Variants in LDHD observed in about 807,000 individuals in gnomAD.
LDHD encodes the protein D-lactate dehydrogenase, mitochondrial.
In LDHD, 58 loss-of-function variants were observed where a neutral mutation model predicts 52.9. The observed-to-expected ratio is 1.10, with a 90% CI of 0.89 to 1.36. LDHD has a LOEUF of 1.36. LDHD is among the 40% of genes most tolerant of loss of function. The pLI is 0.00. For missense variants in LDHD, 747 were observed against 668.0 expected (o/e 1.12, Z -1.30); for synonymous variants, 350 against 288.6 (o/e 1.21, Z -2.16).
At position 75,113,596 on chromosome 16, in the gene LDHD, C is replaced by G. The variant is rs147858665; in HGVS notation, c.1025G>C (p.Arg342Pro). ...GGCATTGTGCCGTGCTGTCCAAAGC[C>G]GGCTGCGCTCCTCGGCCTCCTTGGC... ...SWAKEAEERS[R>P]LWTARHNAWY... Residue 342 changes from arginine to proline, a missense_variant, in exon 8 of 11, where the codon CGG becomes CCG. By Grantham distance (103) the Arg-to-Pro change is moderately radical. Coordinates refer to ENST00000450168, the MANE Select transcript of LDHD (RefSeq NM_194436.3). The G allele has an allele frequency of 1.9e-6, 3 of 1,613,192 alleles. No homozygotes were observed. Among genetic ancestry groups the G allele is most frequent in the Non-Finnish European group, 2.5e-6 (3 of 1,179,998 alleles).
Position 75,114,943 on chromosome 16 carries a change from T to C in LDHD, c.353A>G (p.His118Arg). 6.2e-7 allele frequency: 1 copy of C among 1,613,558 alleles called. No individual in the cohort carries two copies. The highest frequency in any genetic ancestry group is 8.5e-7 in the Non-Finnish European group (1 of 1,179,836). Residue 118 changes from histidine (H) to arginine (R), a missense_variant, in exon 4 of 11, where the codon CAT (histidine) becomes CGT (arginine). By Grantham distance (29) the His-to-Arg change is conservative. Coordinates refer to ENST00000450168, the MANE Select transcript of LDHD (RefSeq NM_194436.3). ...GTTCAGCTCCAGGATTCGGTCCATA[T>C]GCGTCAGGTTAACGCAGACGCCGCC... Reference protein sequence around the residue: ...VQGGVCVNLTHMDRILELNQE... With the variant: ...VQGGVCVNLTRMDRILELNQE...
chr16:75,112,282 G>A lies in LDHD; in HGVS notation c.*74C>T. 1.3e-6 allele frequency: 2 copies of A among 1,499,284 alleles called. No individual in the cohort carries two copies. Among genetic ancestry groups the A allele is most frequent in the Non-Finnish European group, 1.8e-6 (2 of 1,102,484 alleles). 92.9% of individuals were successfully genotyped at this position (1,499,284 alleles called of 1,614,324 possible). A position where few individuals can be genotyped will look rare whatever the true frequency, so the allele number is the denominator to read the frequency against. ...CCTCAGCATCTATTTCCTTGCAGGG[G>A]CCGTGGCATGAAGAAAAGTTCCAGA... is the stretch of plus-strand genomic sequence containing the variant. On this transcript the variant is annotated 3_prime_UTR_variant, in exon 11 of 11. Transcript: ENST00000450168.
chr16:75,115,679 C>A lies in LDHD; in HGVS notation c.73-19G>T, dbSNP rs375580097. The A allele has an allele frequency of 1.3e-6, 2 of 1,489,020 alleles. No individual in the cohort carries two copies. Among genetic ancestry groups the A allele is most frequent in the African/African-American group, 2.8e-5 (2 of 72,274 alleles). The allele number at this position is 1,489,020 out of a possible 1,614,324, so 92.2% of individuals were successfully genotyped here. On this transcript the variant is annotated intron_variant, in intron 1 of 10. Coordinates refer to ENST00000450168, the MANE Select transcript of LDHD (RefSeq NM_194436.3). ...GCTCTCCCTGCAGGGAAGAAACACA[C>A]TGCCAGGGTCCCCCGAAAGACACAT...
At position 75,112,415 on chromosome 16, in the gene LDHD, G is replaced by T; in HGVS notation, c.1396C>A (p.Arg466=). 6.2e-7 allele frequency: 1 copy of T among 1,613,508 alleles called. No homozygotes were observed. The highest frequency in any genetic ancestry group is 8.5e-7 in the Non-Finnish European group (1 of 1,180,010). Residue 466 remains arginine, a synonymous_variant, in exon 11 of 11, where the codon CGG becomes AGG. Transcript: ENST00000450168. ...GGGTCTAGCACGGCCTTGAGCTGCCGCATGGTCTCCACGCCCACGGCGCCC... is the reference window on the plus strand; with the variant it reads ...GGGTCTAGCACGGCCTTGAGCTGCCTCATGGTCTCCACGCCCACGGCGCCC... The part of the protein sequence containing the change: ...EVGAVGVETM[R]QLKAVLDPQG...
intron 1 of LDHD, among the ~76,000 whole-genome samples, chr16:75,116,175 C>G (rs931701891): frequency 2.6e-5 from 4 of 152,214 alleles, no homozygotes; most frequent in Admixed American, 6.5e-5. Context: ...AAGCACCACC[C>G]CAGCCACAGG....
chr16:75,113,729 C>A lies in LDHD; in HGVS notation c.958+13G>T, dbSNP rs918725440. On this transcript the variant is annotated intron_variant, in intron 7 of 10. Coordinates refer to ENST00000450168, the MANE Select transcript of LDHD (RefSeq NM_194436.3). Reference sequence around the variant, plus strand: ...GGCAGCCCACCCTGCTGCCCCACTCCACCCCAGCATACCTGTGCGCTGCAG... The same window carrying A: ...GGCAGCCCACCCTGCTGCCCCACTCAACCCCAGCATACCTGTGCGCTGCAG... 1 of 1,613,640 alleles carries A rather than the reference C, an allele frequency of 6.2e-7. No homozygotes were observed.
At position 75,114,104 on chromosome 16, in the gene LDHD, G is replaced by C. The variant is rs754168460; in HGVS notation, c.691C>G (p.Leu231Val). Residue 231 changes from leucine to valine, a missense_variant, in exon 6 of 11, where the codon CTC (leucine) becomes GTC (valine). Physicochemically the swap from Leu to Val is conservative, Grantham distance 32. Transcript: ENST00000450168. ...AGGCGCAGGGTGGTGGCTGTGATGA[G>C]GCCCAGCGTCCCCTCGGAGCCCACG... ...LFVGSEGTLG[L>V]ITATTLRLHP... 1 of 1,612,358 alleles carries C rather than the reference G, an allele frequency of 6.2e-7. No individual in the cohort carries two copies. The highest frequency in any genetic ancestry group is 8.5e-7 in the Non-Finnish European group (1 of 1,180,000).
chr16:75,113,940 C>G (rs1189953572), intron 6 of LDHD, 26 bp downstream of exon 6: 2 of 1,605,712 alleles, frequency 1.2e-6, no homozygotes, highest in South Asian at 2.2e-5. Flanking sequence ...GGGAGCCCAC[C>G]CTGACTGCCC....
chr16:75,112,086 G>A lies in LDHD; in HGVS notation c.*270C>T, dbSNP rs1174439434. ...CGCTCTCTTCCCGCCAGGACAGGATGCGTAGGAGCAGAGAGGAAGCAGCTT... is the reference window on the plus strand; with the variant it reads ...CGCTCTCTTCCCGCCAGGACAGGATACGTAGGAGCAGAGAGGAAGCAGCTT... On this transcript the variant is annotated 3_prime_UTR_variant, in exon 11 of 11. Coordinates refer to ENST00000450168, the MANE Select transcript of LDHD (RefSeq NM_194436.3). 2.3e-6 allele frequency: 1 copy of A among 439,744 alleles called. No homozygotes were observed. The allele number at this position is 439,744 out of a possible 1,614,324, so 27.2% of individuals were successfully genotyped here.
At chr16:75,112,811 C>G (rs780115264) in intron 9 of LDHD, 23 bp downstream of exon 9, 2 of 1,607,396 alleles carry the variant, frequency 1.2e-6, no homozygotes, top group Admixed American at 1.7e-5. Flanking sequence ...CCCACCTCTC[C>G]CCAGCAGCAG....
At chr16:75,112,966 G>T (rs2145440254) in intron 8 of LDHD, 42 bp from the exon 9 acceptor site, 1 of 1,470,698 alleles carries the variant, frequency 6.8e-7, no homozygotes, top group Non-Finnish European at 9.4e-7. Flanking sequence ...GCCTGATTGG[G>T]TGTACGGGGT....
At position 75,112,707 on chromosome 16, in the gene LDHD, A is replaced by G. The variant is rs931202172; in HGVS notation, c.1184T>C (p.Ile395Thr). 3 of 1,613,562 alleles carry G rather than the reference A, an allele frequency of 1.9e-6. No homozygotes were observed. Among genetic ancestry groups the G allele is most frequent in the East Asian group, 2.2e-5 (1 of 44,886 alleles). ...DLNASGLTGS[I>T]VGHVGDGNFH... ...GTTGCCGTCACCCACATGCCCGACA[A>G]TGCTTCCTGGGGGCCCAGAGGACAG... Residue 395 changes from isoleucine to threonine, a missense_variant, in exon 10 of 11, where the codon ATT (isoleucine) becomes ACT (threonine). Transcript: ENST00000450168.
In LDHD at chr16:75,114,600, G is replaced by C. The variant is rs113442171; in HGVS notation, c.555C>G (p.Asp185Glu). ...TNAVRYGTMR[D>E]NVLNLEVVLP... is the part of the protein sequence containing the mutation. ...GCACCACCTCCAGGTTGAGCACGTT[G>C]TCCCGCATGGTGCCGTAGCGGACCG... The change falls in exon 5 of 11, where the codon GAC becomes GAG. Residue 185 changes from aspartate to glutamate, a missense_variant. Physicochemically the swap from Asp to Glu is conservative, Grantham distance 45. Coordinates refer to ENST00000450168, the MANE Select transcript of LDHD (RefSeq NM_194436.3). The C allele has an allele frequency of 6.5e-7, 1 of 1,534,728 alleles. No homozygotes were observed. Among genetic ancestry groups the C allele is most frequent in the Non-Finnish European group, 8.7e-7 (1 of 1,145,412 alleles).
intron 8 of LDHD, among the ~76,000 whole-genome samples, chr16:75,113,189 G>A (rs2036448551): frequency 6.6e-6 from 1 of 152,120 alleles, no homozygotes; most frequent in East Asian, 1.9e-4. Context: ...GCTGCCTGGA[G>A]CCCAGACTTC....
At position 75,112,881 on chromosome 16, in the gene LDHD, T is replaced by C. The variant is rs778968125; in HGVS notation, c.1130A>G (p.Glu377Gly). ...ATCCTCCTTGGTCTGCACCACGATC[T>C]CCGGCAGCCGGGAGATGGGCACACA... ...DVCVPISRLP[E>G]IVVQTKEDLN... The change falls in exon 9 of 11, where the codon GAG becomes GGG. Residue 377 changes from glutamate (E) to glycine (G), a missense_variant. Glu to Gly is a moderately conservative substitution (Grantham distance 98). Transcript: ENST00000450168. 20 of 1,613,126 alleles carry C rather than the reference T, an allele frequency of 1.2e-5. No individual in the cohort carries two copies. The highest frequency in any genetic ancestry group is 3.3e-4 in the Middle Eastern group (2 of 6,084).
chr16:75,115,711 A>G, intron 1 of LDHD, 51 bp from the exon 2 acceptor site: 1 of 1,190,924 alleles, frequency 8.4e-7, no homozygotes, highest in South Asian at 1.4e-5. Context: ...ACATGGGGCC[A>G]CAGCCCTGCC....
In LDHD at chr16:75,114,973, T is replaced by C; in HGVS notation, c.328-5A>G. The C allele has an allele frequency of 6.2e-7, 1 of 1,608,032 alleles. No individual in the cohort carries two copies. Among genetic ancestry groups the C allele is most frequent in the Non-Finnish European group, 8.5e-7 (1 of 1,177,268 alleles). On this transcript the variant is annotated splice_polypyrimidine_tract_variant and splice_region_variant and intron_variant, in intron 3 of 10. Transcript: ENST00000450168. ...CAGGTTAACGCAGACGCCGCCCTGGTTGGGGCAGGTGCTAAGACCACTGCA... is the reference window on the plus strand; with the variant it reads ...CAGGTTAACGCAGACGCCGCCCTGGCTGGGGCAGGTGCTAAGACCACTGCA...
At chr16:75,114,428 G>T in intron 5 of LDHD, 98 bp downstream of exon 5, 2 of 1,382,908 alleles carry the variant, frequency 1.4e-6, no homozygotes, top group Non-Finnish European at 1.9e-6. Context: ...CCAAACCAGG[G>T]GGCCGCCAGG....
In LDHD at chr16:75,113,787, A is replaced by C. The variant is rs2036468273; in HGVS notation, c.913T>G (p.Phe305Val). Residue 305 changes from phenylalanine (F) to valine (V), a missense_variant, in exon 7 of 11, where the codon TTC becomes GTC. By Grantham distance (50) the Phe-to-Val change is conservative (BLOSUM62 -1). Transcript: ENST00000450168. ...TCCAGTGCCTGCTGGGAGCCATGGA[A>C]CTCCAGGAAGAGTGTGGGCGCCACT... ...CLVAPTLFLE[F>V]HGSQQALEEQ... 1 of 1,613,736 alleles carries C rather than the reference A, an allele frequency of 6.2e-7. No homozygotes were observed. The highest frequency in any genetic ancestry group is 1.3e-5 in the African/African-American group (1 of 74,858).
Sources: allele counts gnomAD v4.1 joint callset (sites outside exome capture counted in the v4.1 genomes callset), GRCh38; gene constraint gnomAD v4.1.1; transcripts MANE v1.5; gene names NCBI Gene and HGNC (gene_info 2026-07-23, HGNC 2026-07-21).